Variants in BTBD9 observed in about 807,000 individuals in gnomAD.
BTBD9 encodes the protein BTB domain containing 9, also known as BTB/POZ domain-containing protein 9.
BTBD9 carries 49 observed loss-of-function variants against 64.3 expected under a neutral mutation model. The ratio of observed to expected loss-of-function variants is 0.76; its 90% confidence interval spans 0.61 to 0.97. BTBD9 has a LOEUF of 0.97. Ranked by LOEUF, BTBD9 falls within the 50% of genes least tolerant of loss-of-function variation. The probability of loss-of-function intolerance (pLI) is 0.00; values close to 1 mark genes in which losing one functional copy is unlikely to be tolerated. For synonymous variants in BTBD9, 260 were observed against 274.7 expected, an observed-to-expected ratio of 0.95 and a Z score of 0.53; for missense variants, 598 against 762.1, an observed-to-expected ratio of 0.78 and a Z score of 2.53.
intron 6 of BTBD9, among the ~76,000 whole-genome samples, chr6:38,537,714 CCTT>C (rs992993927): frequency 6.6e-6 from 1 of 152,090 alleles, no homozygotes; most frequent in Non-Finnish European, 1.5e-5. Context: ...ACTTGTCCTC[CCTT>C]CTTCTACAGC....
At chr6:38,463,455 T>C (rs1770197405) in intron 6 of BTBD9, among the ~76,000 whole-genome samples, 1 of 152,254 alleles carries the variant, frequency 6.6e-6, no homozygotes, top group South Asian at 2.1e-4. Context: ...AACATAGTCC[T>C]GACGTTAGGA....
Position 38,577,613 on chromosome 6 carries a change from C to A in BTBD9, c.1141G>T (p.Ala381Ser). The change falls in exon 6 of 11, where the codon GCC (alanine) becomes TCC (serine). Residue 381 changes from alanine (A) to serine (S), a missense_variant. Ala to Ser is a moderately conservative substitution (Grantham distance 99, BLOSUM62 1). Transcript: ENST00000481247. ...CRSWQKLYFP[A>S]RVCRYIRIVG... The stretch of plus-strand genomic sequence containing the variant: ...CTGAAAACTAACCTGCAGACACGGG[C>A]TGGAAAATATAATTTCTGCCAAGAA... 6.2e-7 allele frequency: 1 copy of A among 1,608,068 alleles called. No individual in the cohort carries two copies. Among genetic ancestry groups the A allele is most frequent in the East Asian group, 2.2e-5 (1 of 44,808 alleles).
At chr6:38,208,555 T>A (rs370894178) in intron 9 of BTBD9, among the ~76,000 whole-genome samples, 1 of 152,040 alleles carries the variant, frequency 6.6e-6, no homozygotes, top group African/African-American at 2.4e-5. Context: ...CTAGAGAGGG[T>A]GTCCTATGTG....
intron 6 of BTBD9, among the ~76,000 whole-genome samples, chr6:38,526,331 G>A (rs1254682422): frequency 6.6e-6 from 1 of 152,254 alleles, no homozygotes; most frequent in Non-Finnish European, 1.5e-5. Flanking sequence ...TTGAGGCCTG[G>A]GAGCCTGCAC....
At chr6:38,463,432 A>C (rs1770195805) in intron 6 of BTBD9, among the ~76,000 whole-genome samples, 1 of 152,268 alleles carries the variant, frequency 6.6e-6, no homozygotes, top group Non-Finnish European at 1.5e-5. Context: ...AAGACATGAA[A>C]GTGGATATCC....
At chr6:38,592,893 T>G (rs1165162179) in intron 3 of BTBD9, 53 bp from the exon 4 acceptor site, 1 of 1,569,436 alleles carries the variant, frequency 6.4e-7, no homozygotes, top group East Asian at 2.2e-5. Flanking sequence ...AACCACTGCA[T>G]GACCAATCAG....
intron 8 of BTBD9, among the ~76,000 whole-genome samples, chr6:38,262,982 C>T (rs1764846103): frequency 6.6e-6 from 1 of 152,186 alleles, no homozygotes; most frequent in Non-Finnish European, 1.5e-5. Context: ...TGGGAAATTC[C>T]ACTGGAAGGC....
At chr6:38,551,803 A>G (rs1468975522) in intron 6 of BTBD9, among the ~76,000 whole-genome samples, 1 of 152,212 alleles carries the variant, frequency 6.6e-6, no homozygotes, top group African/African-American at 2.4e-5. Context: ...GGATCACAGC[A>G]ATGTGGAGAA....
chr6:38,635,093 G>A (rs1363251761), intron 1 of BTBD9, among the ~76,000 whole-genome samples: 1 of 151,972 alleles, frequency 6.6e-6, no homozygotes, highest in Non-Finnish European at 1.5e-5. Flanking sequence ...CTATGGGGGT[G>A]GGACCCAGAA....
At chr6:38,413,953 G>A (rs777711517) in intron 6 of BTBD9, among the ~76,000 whole-genome samples, 1 of 152,122 alleles carries the variant, frequency 6.6e-6, no homozygotes, top group Admixed American at 6.5e-5. Flanking sequence ...GATTTGTTAT[G>A]TGTAAAGTGT....
At chr6:38,428,685 T>C (rs1477253239) in intron 6 of BTBD9, among the ~76,000 whole-genome samples, 4 of 151,540 alleles carry the variant, frequency 2.6e-5, no homozygotes, top group Admixed American at 2.6e-4. Flanking sequence ...ATACAGCTTA[T>C]TCAGGCATTG....
At chr6:38,585,111 C>T (rs895055678) in intron 4 of BTBD9, among the ~76,000 whole-genome samples, 21 of 152,016 alleles carry the variant, frequency 1.4e-4, no homozygotes, top group Non-Finnish European at 3.1e-4. Context: ...TAGACTCAGC[C>T]CTCCCGAGCT....
intron 1 of BTBD9, among the ~76,000 whole-genome samples, chr6:38,619,778 G>A (rs1454245001): frequency 6.6e-6 from 1 of 152,178 alleles, no homozygotes; most frequent in African/African-American, 2.4e-5. Context: ...AGGAATCCTG[G>A]GACAGCCTTG....
intron 6 of BTBD9, among the ~76,000 whole-genome samples, chr6:38,367,468 C>T (rs774142330): frequency 6.6e-6 from 1 of 152,104 alleles, no homozygotes; most frequent in Non-Finnish European, 1.5e-5. Flanking sequence ...GGAAGAGAAG[C>T]TTCTCAAGGA....
intron 7 of BTBD9, among the ~76,000 whole-genome samples, chr6:38,321,589 G>T (rs1370770431): frequency 6.6e-6 from 1 of 152,084 alleles, no homozygotes; most frequent in Non-Finnish European, 1.5e-5. Context: ...AAAGAAAACT[G>T]TTCTGGAAGA....
chr6:38,552,983 C>T (rs1774879614), intron 6 of BTBD9, among the ~76,000 whole-genome samples: 2 of 152,188 alleles, frequency 1.3e-5, no homozygotes, highest in Admixed American at 6.5e-5. Context: ...ATAACCTACA[C>T]ACAACCTTCT....
intron 6 of BTBD9, among the ~76,000 whole-genome samples, chr6:38,554,741 T>TA (rs568164833): frequency 4.7e-5 from 7 of 149,908 alleles, no homozygotes; most frequent in East Asian, 2.0e-4. Context: ...CTCTAAGACT[T>TA]AAAAAAAAAA....
Position 38,174,757 on chromosome 6 carries a change from A to G in BTBD9, c.*228T>C. The G allele has an allele frequency of 1.8e-6, 1 of 556,896 alleles. No homozygotes were observed. The highest frequency in any genetic ancestry group is 3.2e-6 in the Non-Finnish European group (1 of 317,382). 34.5% of individuals were successfully genotyped at this position (556,896 alleles called of 1,614,324 possible). A position where few individuals can be genotyped will look rare whatever the true frequency, so the allele number is the denominator to read the frequency against. On this transcript the variant is annotated 3_prime_UTR_variant, in exon 11 of 11. Transcript: ENST00000481247. ...TGGACTTGATGAAGATTGAAGACCC[A>G]TTTTCTCCCCCTTGAGACCTGCCTG...
intron 6 of BTBD9, among the ~76,000 whole-genome samples, chr6:38,454,794 C>T (rs1769722464): frequency 6.7e-6 from 1 of 148,588 alleles, no homozygotes; most frequent in Admixed American, 6.7e-5. Context: ...GAGCAAGACT[C>T]TGTCTCTTAA....
Sources: gnomAD v4.1 joint callset for allele counts (sites outside exome capture counted in the v4.1 genomes callset) on GRCh38, gnomAD v4.1.1 for gene constraint, MANE v1.5 for transcripts, NCBI Gene and HGNC (gene_info 2026-07-23, HGNC 2026-07-21) for gene names.